C4orf50: variants seen among roughly 807,000 people sequenced by gnomAD.
C4orf50 encodes the protein uncharacterized protein C4orf50.
Under a neutral mutation model 77.2 loss-of-function variants are expected in C4orf50, and 80 were observed. The observed-to-expected ratio is 1.04, with a 90% CI of 0.87 to 1.25. C4orf50 has a LOEUF of 1.25. C4orf50 is among the 50% of genes most tolerant of loss of function. The pLI is 0.00. For missense variants in C4orf50, 1,257 were observed against 1,152.9 expected, an observed-to-expected ratio of 1.09 and a Z score of -1.31; for synonymous variants, 532 against 465.3, an observed-to-expected ratio of 1.14 and a Z score of -1.84.
At position 5,999,574 on chromosome 4, in the gene C4orf50, G is replaced by A. The variant is rs150536377; in HGVS notation, c.964-5098C>T. ...CTTCAGCCAGAAGCTTCCTTTTCCCGTGGGCAGTGGAGCAAATAACTTCAC... is the reference window on the plus strand; with the variant it reads ...CTTCAGCCAGAAGCTTCCTTTTCCCATGGGCAGTGGAGCAAATAACTTCAC... On this transcript the variant is annotated intron_variant, in intron 25 of 33. Coordinates refer to ENST00000531445, the Ensembl canonical transcript of C4orf50. Among the ~76,000 whole-genome samples the A allele has an allele frequency of 2.1e-3, 322 of 152,240 alleles. 2 individuals carry two copies. The highest frequency in any genetic ancestry group is 0.011 in the South Asian group (51 of 4,820).
chr4:5,990,166 A>G (rs1316043326), exon 28 of C4orf50: 1 of 1,252,054 alleles, frequency 8.0e-7, no homozygotes. Flanking sequence ...CCCCTGTAGA[A>G]GAGGCATCAA....
rs1302105499 is a variant in C4orf50 at position 6,007,651 on chromosome 4, T to G, written c.963+345A>C. On this transcript the variant is annotated intron_variant, in intron 25 of 33. Transcript: ENST00000531445. The surrounding 1 kb of genome is among the most constrained non-coding windows in gnomAD (Gnocchi z 4.1). ...ATAAGTGGCTGCGTGGACAAACAGG[T>G]GTTAGGATGAATGGCAAAATGATGG... is the stretch of plus-strand genomic sequence containing the variant. Among the ~76,000 whole-genome samples the G allele has an allele frequency of 6.6e-6, 1 of 151,706 alleles. No homozygotes were observed. Among genetic ancestry groups the G allele is most frequent in the African/African-American group, 2.4e-5 (1 of 41,228 alleles).
exon 28 of C4orf50, chr4:5,988,942 G>A (rs1351681944): frequency 3.8e-5 from 58 of 1,535,888 alleles, no homozygotes; most frequent in South Asian, 3.6e-4. Flanking sequence ...ACTCTCAGAC[G>A]TGGCTTTCTG....
At chr4:5,990,620 A>T in exon 28 of C4orf50, 1 of 399,108 alleles carries the variant, frequency 2.5e-6, no homozygotes, top group Non-Finnish European at 4.4e-6. Context: ...GGTCGCCAAG[A>T]AGCGGAGTCC....
At chr4:5,964,932 T>G in intron 33 of C4orf50, 92 bp downstream of exon 11, 2 of 1,252,436 alleles carry the variant, frequency 1.6e-6, no homozygotes, top group South Asian at 1.4e-5. Flanking sequence ...TTTCTGGGTG[T>G]ATATCGCTTG....
At chr4:5,956,113 G>A (rs1718946300), downstream of C4orf50, among the ~76,000 whole-genome samples, 3 of 152,318 alleles carry the variant, frequency 2.0e-5, no homozygotes, top group African/African-American at 7.2e-5. Context: ...TTTCCTCATT[G>A]TGGGAACATC....
At chr4:5,971,871 C>G (rs1719944082) in intron 31 of C4orf50, among the ~76,000 whole-genome samples, 1 of 152,194 alleles carries the variant, frequency 6.6e-6, no homozygotes, top group Non-Finnish European at 1.5e-5. Flanking sequence ...GTTCCAGGGC[C>G]TGTGAGAGTG....
rs1333753180 is a variant in C4orf50 at position 6,004,271 on chromosome 4, A to ATGG, written c.963+3722_963+3724dup. Among the ~76,000 whole-genome samples, 2 of 57,958 alleles carry ATGG rather than the reference A, an allele frequency of 3.5e-5. 1 individual carries two copies. Among genetic ancestry groups the ATGG allele is most frequent in the African/African-American group, 1.4e-4 (2 of 14,628 alleles). 38.0% of individuals were successfully genotyped at this position (57,958 alleles called of 152,430 possible). On this transcript the variant is annotated intron_variant, in intron 25 of 33. Transcript: ENST00000531445. ...GATGATGGTGATGGTGATGGTGGTG[A>ATGG]TGGTGATGGTGATGTTGGTGATGAT...
intron 25 of C4orf50, 84 bp from the exon 4 acceptor site, chr4:5,994,560 C>A: frequency 2.5e-6 from 1 of 398,424 alleles, no homozygotes; most frequent in Non-Finnish European, 4.4e-6. Context: ...GGCCCCTCCC[C>A]AGAAGGGAGC....
chr4:5,978,060 C>T (rs111965975), intron 29 of C4orf50, among the ~76,000 whole-genome samples: 1,746 of 152,270 alleles, frequency 0.011, 28 homozygotes, highest in African/African-American at 0.04. Context: ...CCCACAAGCA[C>T]GTGAAAAGAT....
chr4:5,923,911 C>G (rs894152887), intron 7 of C4orf50, among the ~76,000 whole-genome samples: 4 of 152,186 alleles, frequency 2.6e-5, no homozygotes, highest in Admixed American at 2.6e-4. Context: ...GCCAGCGTCG[C>G]TAGAATAAAG....
chr4:5,901,997 G>A lies in C4orf50; in HGVS notation c.*2475-3809C>T, dbSNP rs1013453794. The A allele has an allele frequency of 1.3e-5, 2 of 152,244 alleles. No individual in the cohort carries two copies. The highest frequency in any genetic ancestry group is 4.8e-5 in the African/African-American group (2 of 41,418). The allele number at this position is 152,244 out of a possible 1,614,324, so 9.4% of individuals were successfully genotyped here. A position where few individuals can be genotyped will look rare whatever the true frequency, so the allele number is the denominator to read the frequency against. On this transcript the variant is annotated intron_variant, in intron 7 of 7. Transcript: ENST00000324058. The surrounding 1 kb of genome is among the most constrained non-coding windows in gnomAD (Gnocchi z 4.4). ...ACTTACGCGGAAGCCCACCCACCAG[G>A]GCAGCAATTTGGCCTACTCTGTTCT...
exon 34 of C4orf50, chr4:5,957,793 G>A (rs1719051520): frequency 1.3e-5 from 2 of 152,182 alleles, no homozygotes; most frequent in African/African-American, 4.8e-5. Context: ...GGAACTCAAT[G>A]TGCTGAGGCT....
In C4orf50 at chr4:6,011,750, T is replaced by C. The variant is rs1046980470; in HGVS notation, c.426+80A>G. The C allele has an allele frequency of 1.2e-4, 47 of 398,768 alleles. No individual in the cohort carries two copies. The Middle Eastern group carries it at 2.5e-3, about 21-fold the overall frequency. The allele number at this position is 398,768 out of a possible 1,614,324, so 24.7% of individuals were successfully genotyped here. On this transcript the variant is annotated intron_variant, in intron 24 of 33. Transcript: ENST00000531445. This position sits in a 1 kb window ranked among gnomAD's most constrained non-coding sequence, Gnocchi z 4.2. ...TCCCAGGCCCACCCTGTACTGTCTT[T>C]GCCCAACTGCAGCTGCTGCTGAGTT...
At chr4:5,986,057 A>T (rs1319015553) in intron 28 of C4orf50, among the ~76,000 whole-genome samples, 1 of 152,220 alleles carries the variant, frequency 6.6e-6, no homozygotes, top group Non-Finnish European at 1.5e-5. Context: ...ACAAATGCAC[A>T]CTCAGAGTGG....
intron 7 of C4orf50, among the ~76,000 whole-genome samples, chr4:5,943,201 G>A (rs1285013539): frequency 1.3e-5 from 2 of 152,166 alleles, no homozygotes; most frequent in Non-Finnish European, 2.9e-5. Context: ...GATGCTACGT[G>A]TCCGTTAGGC....
At chr4:5,972,873 G>A (rs1488407191) in intron 31 of C4orf50, among the ~76,000 whole-genome samples, 2 of 152,214 alleles carry the variant, frequency 1.3e-5, no homozygotes, top group Non-Finnish European at 2.9e-5. Flanking sequence ...GCACCCGTGG[G>A]TGCTGACTGT....
intron 31 of C4orf50, among the ~76,000 whole-genome samples, chr4:5,971,530 C>T (rs1340102512): frequency 6.6e-6 from 1 of 152,112 alleles, no homozygotes; most frequent in Non-Finnish European, 1.5e-5. Context: ...TCCTGGTCCA[C>T]GGAAGCGTGT....
intron 31 of C4orf50, among the ~76,000 whole-genome samples, chr4:5,973,428 G>A (rs558497457): frequency 1.3e-5 from 2 of 152,320 alleles, no homozygotes; most frequent in African/African-American, 4.8e-5. Context: ...TCTGTGCCTT[G>A]CACCATTTCC....
Sources: gnomAD v4.1 joint callset for allele counts (sites outside exome capture counted in the v4.1 genomes callset) on GRCh38, gnomAD v4.1.1 for gene constraint, Gnocchi (gnomAD v3.1) non-coding constraint, MANE v1.5 for transcripts, NCBI Gene and HGNC (gene_info 2026-07-23, HGNC 2026-07-21) for gene names.